CACNA1C: variants seen among roughly 807,000 people sequenced by gnomAD.
The protein encoded by CACNA1C is voltage-dependent L-type calcium channel subunit alpha-1C.
A neutral mutation model predicts 229.0 loss-of-function variants in CACNA1C; 30 were observed. The observed-to-expected ratio is 0.13, with a 90% CI of 0.10 to 0.18. The LOEUF is 0.18. Among genes scored for constraint, CACNA1C ranks in the 10% least tolerant of loss-of-function variants. The probability of loss-of-function intolerance (pLI) is 1.00; values close to 1 mark genes in which losing one functional copy is unlikely to be tolerated. For missense variants in CACNA1C, 1,658 were observed against 2,845.0 expected, an observed-to-expected ratio of 0.58 and a Z score of 9.49; for synonymous variants, 1,114 against 1,132.5, an observed-to-expected ratio of 0.98 and a Z score of 0.33.
chr12:2,138,314 C>T (rs2093758681), intron 3 of CACNA1C, among the ~76,000 whole-genome samples: 1 of 151,278 alleles, frequency 6.6e-6, no homozygotes, highest in Non-Finnish European at 1.5e-5. Flanking sequence ...GGCCAGCCTT[C>T]ACAGGGCTGG....
intron 3 of CACNA1C, among the ~76,000 whole-genome samples, chr12:2,260,752 G>A (rs1271137039): frequency 6.6e-6 from 1 of 152,160 alleles, no homozygotes; most frequent in Admixed American, 6.5e-5. Flanking sequence ...CTAAAGTGGG[G>A]TTAATTATAT....
intron 1 of CACNA1C, among the ~76,000 whole-genome samples, chr12:2,103,138 T>C (rs1429945053): frequency 6.6e-6 from 1 of 152,242 alleles, no homozygotes; most frequent in African/African-American, 2.4e-5. Flanking sequence ...TTTCTAGTTC[T>C]AGTTCCTTGA....
At chr12:2,279,344 A>G (rs576601873) in intron 3 of CACNA1C, among the ~76,000 whole-genome samples, 112 of 152,334 alleles carry the variant, frequency 7.4e-4, no homozygotes, top group Non-Finnish European at 1.2e-3. Flanking sequence ...AAGGCTTAAA[A>G]TCAGATAGTG....
At chr12:2,024,755 A>G (rs182679458) in intron 1 of CACNA1C, among the ~76,000 whole-genome samples, 1 of 152,338 alleles carries the variant, frequency 6.6e-6, no homozygotes, top group African/African-American at 2.4e-5. Flanking sequence ...TGTTGAGAGC[A>G]TCTGCACTCT....
Position 2,376,197 on chromosome 12 carries a change from A to G in CACNA1C, c.478-72779A>G, listed in dbSNP as rs139962193. On this transcript the variant is annotated intron_variant, in intron 3 of 46. Coordinates refer to ENST00000399655, the MANE Select transcript of CACNA1C (RefSeq NM_000719.7). ...CTTGGGGAAGTGGTCTGTTTTTGCC[A>G]TTAGAGAACACACTGCCATGGAGGA... Among the ~76,000 whole-genome samples the G allele has an allele frequency of 7.4e-4, 112 of 152,298 alleles. No homozygotes were observed. The East Asian group carries it at 0.018, about 25-fold the overall frequency.
chr12:2,285,066 G>A lies in CACNA1C; in HGVS notation c.478-163910G>A, dbSNP rs1391132821. On this transcript the variant is annotated intron_variant, in intron 3 of 46. Transcript: ENST00000399655. The surrounding 1 kb of genome is among the most constrained non-coding windows in gnomAD (Gnocchi z 4.2). ...TCCAGTGGTGCCTGGCATCTCTCCT[G>A]CTCTCTGGGAGGAGGGACGGGCCGC... Among the ~76,000 whole-genome samples the A allele has an allele frequency of 6.6e-6, 1 of 152,174 alleles. No individual in the cohort carries two copies. The highest frequency in any genetic ancestry group is 2.4e-5 in the African/African-American group (1 of 41,440).
chr12:2,511,493 G>A (rs973680898), intron 8 of CACNA1C, among the ~76,000 whole-genome samples: 1 of 152,006 alleles, frequency 6.6e-6, no homozygotes, highest in Non-Finnish European at 1.5e-5. Context: ...CAGCAGCCTC[G>A]TGCCCTGAAC....
At chr12:2,232,227 GTTTTTTT>G (rs1169407536) in intron 3 of CACNA1C, among the ~76,000 whole-genome samples, 3,718 of 73,718 alleles carry the variant, frequency 0.05, 142 homozygotes, top group African/African-American at 0.17. Context: ...GTCTTTCCTT[GTTTTTTT>G]TTTTTTTTTT....
chr12:2,021,108 AG>A (rs2046369351), intron 1 of CACNA1C, among the ~76,000 whole-genome samples: 1 of 152,244 alleles, frequency 6.6e-6, no homozygotes, highest in Non-Finnish European at 1.5e-5. Flanking sequence ...ATTATCACTC[AG>A]TACATTTCTT....
At chr12:2,350,054 C>G (rs1304232221) in intron 3 of CACNA1C, among the ~76,000 whole-genome samples, 1 of 152,170 alleles carries the variant, frequency 6.6e-6, no homozygotes, top group Non-Finnish European at 1.5e-5. Flanking sequence ...CTATGACACC[C>G]CTCTTAGGAG....
intron 34 of CACNA1C, among the ~76,000 whole-genome samples, chr12:2,656,547 C>A (rs931956761): frequency 3.3e-5 from 5 of 152,160 alleles, no homozygotes; most frequent in African/African-American, 1.2e-4. Flanking sequence ...ATCAAAATGC[C>A]AATGTCATTT....
chr12:2,380,230 G>A (rs1313357094), intron 3 of CACNA1C, among the ~76,000 whole-genome samples: 3 of 152,046 alleles, frequency 2.0e-5, no homozygotes. Context: ...ATGTCGTCCT[G>A]GTGTGAATTG....
chr12:2,249,937 T>A (rs1447458289), intron 3 of CACNA1C, among the ~76,000 whole-genome samples: 1 of 152,068 alleles, frequency 6.6e-6, no homozygotes, highest in Non-Finnish European at 1.5e-5. Context: ...GTCTCTCGAG[T>A]AGCTGAGACT....
intron 3 of CACNA1C, among the ~76,000 whole-genome samples, chr12:2,258,696 T>C (rs1027738412): frequency 6.6e-6 from 1 of 152,222 alleles, no homozygotes; most frequent in African/African-American, 2.4e-5. Flanking sequence ...ATCATCACTT[T>C]AATCTCTTCC....
chr12:2,226,125 GCACACACA>G (rs59055471), intron 3 of CACNA1C, among the ~76,000 whole-genome samples: 39,649 of 142,634 alleles, frequency 0.28, 5,357 homozygotes, highest in Admixed American at 0.34. Context: ...ATGGGGACGC[GCACACACA>G]CACACACACA....
chr12:2,314,016 C>G (rs753993278), intron 3 of CACNA1C, among the ~76,000 whole-genome samples: 1 of 152,208 alleles, frequency 6.6e-6, no homozygotes, highest in Non-Finnish European at 1.5e-5. Flanking sequence ...ACAGGGCACA[C>G]GGCCTTTCCA....
chr12:2,353,318 G>A (rs2097261533), intron 3 of CACNA1C, among the ~76,000 whole-genome samples: 1 of 152,138 alleles, frequency 6.6e-6, no homozygotes, highest in Non-Finnish European at 1.5e-5. Flanking sequence ...AGCCCCCCCT[G>A]GTGCTGGGAA....
intron 3 of CACNA1C, among the ~76,000 whole-genome samples, chr12:2,422,679 A>G (rs1432107790): frequency 2.0e-5 from 3 of 152,214 alleles, no homozygotes; most frequent in Admixed American, 2.0e-4. Flanking sequence ...TCGTGTGGCC[A>G]GTCCACATAC....
At chr12:2,074,771 A>G (rs1408711820) in intron 1 of CACNA1C, among the ~76,000 whole-genome samples, 1 of 152,226 alleles carries the variant, frequency 6.6e-6, no homozygotes, top group Non-Finnish European at 1.5e-5. Context: ...AAAATAGCCC[A>G]TAGCCATCCA....
Sources: gnomAD v4.1 joint callset for allele counts (sites outside exome capture counted in the v4.1 genomes callset) on GRCh38, gnomAD v4.1.1 for gene constraint, Gnocchi (gnomAD v3.1) non-coding constraint, MANE v1.5 for transcripts, NCBI Gene and HGNC (gene_info 2026-07-23, HGNC 2026-07-21) for gene names.